Variants in PDCD11 observed in about 807,000 individuals in gnomAD.
PDCD11 encodes programmed cell death 11.
PDCD11 carries 97 observed loss-of-function variants against 198.9 expected under a neutral mutation model. That is an observed-to-expected ratio of 0.49 (90% confidence interval 0.41 to 0.58). PDCD11 has a LOEUF of 0.58. Among genes scored for constraint, PDCD11 ranks in the 20% least tolerant of loss-of-function variants. The pLI is 0.00. For synonymous variants in PDCD11, 893 were observed against 918.0 expected (o/e 0.97, Z 0.49); for missense variants, 2,102 against 2,312.7 (o/e 0.91, Z 1.87).
Position 103,440,837 on chromosome 10 carries a change from A to G in PDCD11, c.4544A>G (p.Asn1515Ser), listed in dbSNP as rs765931616. The G allele has an allele frequency of 1.9e-6, 3 of 1,611,134 alleles. No individual in the cohort carries two copies. The highest frequency in any genetic ancestry group is 1.1e-5 in the South Asian group (1 of 90,712). Residue 1515 changes from asparagine (N) to serine (S), a missense_variant, in exon 30 of 36, where the codon AAT becomes AGT. Transcript: ENST00000369797. ...REGKEEAEET[N>S]VLPKEKQTKP... ...GGAAAAGAGGAGGCAGAAGAGACGAATGTGCTGCCCAAGGTGAGGGTGACG... is the reference window on the plus strand; with the variant it reads ...GGAAAAGAGGAGGCAGAAGAGACGAGTGTGCTGCCCAAGGTGAGGGTGACG...
At chr10:103,437,952 A>G in intron 25 of PDCD11, 63 bp from the exon 26 acceptor site, 1 of 1,333,738 alleles carries the variant, frequency 7.5e-7, no homozygotes, top group Non-Finnish European at 1.1e-6. Flanking sequence ...GAGGAAGCTG[A>G]GACCCTTTGC....
Position 103,427,309 on chromosome 10 carries a change from C to A in PDCD11, c.3306-20C>A. Reference sequence around the variant, plus strand: ...GTTACAGAGATGAAGAGAAATGATTCAGCTTATTTGTTTCTCCAGGTATCT... The same window carrying A: ...GTTACAGAGATGAAGAGAAATGATTAAGCTTATTTGTTTCTCCAGGTATCT... On this transcript the variant is annotated intron_variant, in intron 20 of 35. Coordinates refer to ENST00000369797, the MANE Select transcript of PDCD11 (RefSeq NM_014976.2). 6.2e-7 allele frequency: 1 copy of A among 1,603,184 alleles called. No individual in the cohort carries two copies. Among genetic ancestry groups the A allele is most frequent in the South Asian group, 1.1e-5 (1 of 90,852 alleles).
chr10:103,405,720 A>T (rs944972055), intron 5 of PDCD11, among the ~76,000 whole-genome samples: 1 of 152,178 alleles, frequency 6.6e-6, no homozygotes, highest in Admixed American at 6.5e-5. Flanking sequence ...TTTTGAAACC[A>T]CTTGAGGCAA....
chr10:103,417,439 C>T (rs939596984), intron 13 of PDCD11, among the ~76,000 whole-genome samples: 4 of 152,198 alleles, frequency 2.6e-5, no homozygotes, highest in Non-Finnish European at 5.9e-5. Flanking sequence ...TTTCAAAGTG[C>T]TGGAATTACA....
At position 103,406,058 on chromosome 10, in the gene PDCD11, C is replaced by G; in HGVS notation, c.638C>G (p.Ala213Gly). 6.2e-7 allele frequency: 1 copy of G among 1,614,144 alleles called. No individual in the cohort carries two copies. Reference sequence around the variant, plus strand: ...GACATTGGTGTTGATGGGACCAGAGCTTTTCTGCCACTGCTGAAAGCCCAG... The same window carrying G: ...GACATTGGTGTTGATGGGACCAGAGGTTTTCTGCCACTGCTGAAAGCCCAG... Reference protein sequence around the residue: ...LVDIGVDGTRAFLPLLKAQEY... With the variant: ...LVDIGVDGTRGFLPLLKAQEY... The change falls in exon 6 of 36, where the codon GCT becomes GGT. Residue 213 changes from alanine to glycine, a missense_variant. Coordinates refer to ENST00000369797, the MANE Select transcript of PDCD11 (RefSeq NM_014976.2).
chr10:103,432,650 C>T (rs916705848), intron 22 of PDCD11, among the ~76,000 whole-genome samples: 4 of 152,186 alleles, frequency 2.6e-5, no homozygotes, highest in East Asian at 3.8e-4. Context: ...GGAAAGCAGC[C>T]TGTACTGGTT....
At chr10:103,440,917 C>A in intron 30 of PDCD11, 67 bp downstream of exon 30, 1 of 1,093,342 alleles carries the variant, frequency 9.1e-7, no homozygotes, top group Non-Finnish European at 1.3e-6. Flanking sequence ...CATCCTCTGC[C>A]TCATCCTCTT....
Position 103,416,475 on chromosome 10 carries a change from T to C in PDCD11, c.1519-16T>C. ...GATAACAGATAACTTGATGACAGCC[T>C]GTGTCCCTCCCCTAGGTTTTGCTTT... On this transcript the variant is annotated splice_polypyrimidine_tract_variant and intron_variant, in intron 12 of 35. Coordinates refer to ENST00000369797, the MANE Select transcript of PDCD11 (RefSeq NM_014976.2). The C allele has an allele frequency of 6.2e-7, 1 of 1,613,138 alleles. No homozygotes were observed. Among genetic ancestry groups the C allele is most frequent in the South Asian group, 1.1e-5 (1 of 91,002 alleles).
chr10:103,428,290 A>G (rs2031783398), intron 21 of PDCD11, among the ~76,000 whole-genome samples: 1 of 147,450 alleles, frequency 6.8e-6, no homozygotes, highest in African/African-American at 2.6e-5. Context: ...GGGCAACAAG[A>G]GCGAAAGCCG....
rs762743684 is a variant in PDCD11 at position 103,415,102 on chromosome 10, TGAA to T, written c.1473_1475del (p.Lys491del). 23 of 1,614,044 alleles carry T rather than the reference TGAA, an allele frequency of 1.4e-5. No homozygotes were observed. In the South Asian group the frequency reaches 2.5e-4, roughly 18 times the overall value. On this transcript the variant is annotated inframe_deletion, in exon 12 of 36. Coordinates refer to ENST00000369797, the MANE Select transcript of PDCD11 (RefSeq NM_014976.2). ...CCCATGCACCTGGCTGACATCCTGA[TGAA>T]GAATCCGGAGAAGAAGTACCACATC...
At chr10:103,444,290 C>G in intron 34 of PDCD11, 1 of 622,982 alleles carries the variant, frequency 1.6e-6, no homozygotes, top group Non-Finnish European at 2.8e-6. Flanking sequence ...GTTCTGTTGC[C>G]CCTGGGATCC....
intron 3 of PDCD11, among the ~76,000 whole-genome samples, chr10:103,402,907 T>G (rs919889048): frequency 3.9e-4 from 60 of 151,912 alleles, no homozygotes; most frequent in African/African-American, 1.4e-3. Context: ...CTAATCTTTT[T>G]TTTTGGAGAA....
intron 19 of PDCD11, 83 bp from the exon 20 acceptor site, chr10:103,424,901 A>G: frequency 6.6e-7 from 1 of 1,506,594 alleles, no homozygotes; most frequent in Non-Finnish European, 9.0e-7. Context: ...GGGTTTCCTC[A>G]GCCACACCCT....
chr10:103,416,119 A>G (rs2031095336), intron 12 of PDCD11, among the ~76,000 whole-genome samples: 1 of 152,174 alleles, frequency 6.6e-6, no homozygotes, highest in Admixed American at 6.5e-5. Context: ...CGGCAGTACT[A>G]AGGTGGTAAA....
intron 6 of PDCD11, among the ~76,000 whole-genome samples, chr10:103,406,357 T>C (rs751306080): frequency 1.9e-4 from 29 of 152,294 alleles, no homozygotes; most frequent in Non-Finnish European, 3.7e-4. Context: ...CCACTGCAAT[T>C]AGGGCCCCCA....
In PDCD11 at chr10:103,434,824, G is replaced by A. The variant is rs774533001; in HGVS notation, c.3694G>A (p.Val1232Met). 3.1e-6 allele frequency: 5 copies of A among 1,610,118 alleles called. No individual in the cohort carries two copies. The highest frequency in any genetic ancestry group is 3.4e-5 in the Admixed American group (2 of 59,280). The change falls in exon 25 of 36, where the codon GTG becomes ATG. Residue 1232 changes from valine (V) to methionine (M), a missense_variant. Physicochemically the swap from Val to Met is conservative, Grantham distance 21 (BLOSUM62 1). Transcript: ENST00000369797. The stretch of plus-strand genomic sequence containing the variant: ...TCCTCACAAGCTTGAGGAAGGGGAA[G>A]TGGCCATGGGCCGAGTGGTGAAGGT... ...TGPHKLEEGEVAMGRVVKVTP... is the reference protein window; with the variant it reads ...TGPHKLEEGEMAMGRVVKVTP...
intron 33 of PDCD11, 31 bp downstream of exon 33, chr10:103,443,364 G>GTTCCCTCCTCCCT: frequency 6.4e-7 from 1 of 1,565,680 alleles, no homozygotes. Flanking sequence ...CGAACTCCTG[G>GTTCCCTCCTCCCT]GAGTTCCAGG....
At position 103,444,619 on chromosome 10, in the gene PDCD11, G is replaced by A. The variant is rs779034592; in HGVS notation, c.5381G>A (p.Arg1794His). The change falls in exon 35 of 36, where the codon CGC becomes CAC. Residue 1794 changes from arginine (R) to histidine (H), a missense_variant. By Grantham distance (29) the Arg-to-His change is conservative. Coordinates refer to ENST00000369797, the MANE Select transcript of PDCD11 (RefSeq NM_014976.2). ...FENTLSTYPK[R>H]TDVWSVYIDM... ...AACACGCTGAGCACCTACCCAAAGC[G>A]CACAGATGTCTGGTCGGTCTATATC... The A allele has an allele frequency of 1.5e-5, 25 of 1,614,048 alleles. No individual in the cohort carries two copies. Among genetic ancestry groups the A allele is most frequent in the Non-Finnish European group, 1.9e-5 (23 of 1,180,030 alleles).
At chr10:103,438,663 A>G (rs745644108) in intron 26 of PDCD11, 23 bp from the exon 27 acceptor site, 1 of 1,614,114 alleles carries the variant, frequency 6.2e-7, no homozygotes, top group Non-Finnish European at 8.5e-7. Flanking sequence ...AAAGGTGTGC[A>G]TGTAAGCCTT....
Sources: gnomAD v4.1 joint callset for allele counts (sites outside exome capture counted in the v4.1 genomes callset) on GRCh38, gnomAD v4.1.1 for gene constraint, MANE v1.5 for transcripts, NCBI Gene and HGNC (gene_info 2026-07-23, HGNC 2026-07-21) for gene names.